The following TMEM156 variants were observed in gnomAD, a reference collection of about 807,000 sequenced individuals.
TMEM156 encodes transmembrane protein 156.
A neutral mutation model predicts 30.5 loss-of-function variants in TMEM156; 28 were observed. The observed-to-expected ratio is 0.92, with a 90% CI of 0.68 to 1.26. TMEM156 has a LOEUF of 1.26. Ranked by LOEUF, TMEM156 falls within the 50% of genes most tolerant of loss-of-function variation. The pLI, the probability that TMEM156 is intolerant of heterozygous loss-of-function variation, is 0.00. For missense variants in TMEM156, 351 were observed against 340.6 expected (o/e 1.03, Z -0.24); for synonymous variants, 137 against 119.9 (o/e 1.14, Z -0.93).
At chr4:39,011,586 C>T (rs2110021787) in intron 1 of TMEM156, among the ~76,000 whole-genome samples, 1 of 152,136 alleles carries the variant, frequency 6.6e-6, no homozygotes, top group South Asian at 2.1e-4. Flanking sequence ...CCAGTCTGGC[C>T]AAGATGGTGA....
intron 1 of TMEM156, among the ~76,000 whole-genome samples, chr4:39,015,877 A>T (rs1334091278): frequency 6.6e-6 from 1 of 152,056 alleles, no homozygotes; most frequent in Non-Finnish European, 1.5e-5. Flanking sequence ...CTTGGCACTC[A>T]TTCCCTCTTT....
chr4:38,975,118 T>G (rs1182022524), intron 5 of TMEM156, among the ~76,000 whole-genome samples: 5 of 152,144 alleles, frequency 3.3e-5, no homozygotes, highest in Non-Finnish European at 7.4e-5. Flanking sequence ...CCCTTTAGAC[T>G]TCTAAAGGGT....
At chr4:38,997,094 T>G (rs1712985807) in intron 2 of TMEM156, among the ~76,000 whole-genome samples, 1 of 152,232 alleles carries the variant, frequency 6.6e-6, no homozygotes, top group Admixed American at 6.5e-5. Context: ...TGGGACAATG[T>G]GTCAATGTGC....
intron 2 of TMEM156, among the ~76,000 whole-genome samples, chr4:38,996,893 A>G (rs145331553): frequency 4.6e-4 from 70 of 152,348 alleles, no homozygotes; most frequent in African/African-American, 1.6e-3. Flanking sequence ...AGTAAACTAG[A>G]TAGATAGGTA....
intron 5 of TMEM156, among the ~76,000 whole-genome samples, chr4:38,980,087 A>G (rs981664210): frequency 2.0e-5 from 3 of 152,102 alleles, no homozygotes; most frequent in Non-Finnish European, 4.4e-5. Context: ...ATCTGTTATT[A>G]ACAATGATCC....
At chr4:39,002,914 G>A (rs1203705196) in intron 1 of TMEM156, among the ~76,000 whole-genome samples, 1 of 152,052 alleles carries the variant, frequency 6.6e-6, no homozygotes, top group South Asian at 2.1e-4. Flanking sequence ...GGATAGCATT[G>A]GGAGATATAC....
At chr4:38,971,590 T>C (rs557037427) in intron 5 of TMEM156, among the ~76,000 whole-genome samples, 2 of 152,212 alleles carry the variant, frequency 1.3e-5, no homozygotes, top group Non-Finnish European at 2.9e-5. Flanking sequence ...TGTATGACTT[T>C]TTAAAATTCT....
At chr4:39,021,106 C>A (rs1714836236) in intron 1 of TMEM156, among the ~76,000 whole-genome samples, 1 of 152,106 alleles carries the variant, frequency 6.6e-6, no homozygotes, top group African/African-American at 2.4e-5. Context: ...TGTATGTCTT[C>A]TTTCAAGAAA....
intron 3 of TMEM156, among the ~76,000 whole-genome samples, chr4:38,990,343 G>T (rs1197208212): frequency 2.6e-5 from 4 of 152,180 alleles, no homozygotes; most frequent in Admixed American, 2.6e-4. Flanking sequence ...GCGGCGCTCA[G>T]CCTCCCCAAG....
chr4:38,968,673 T>C (rs987695237), intron 6 of TMEM156, among the ~76,000 whole-genome samples: 4 of 152,222 alleles, frequency 2.6e-5, no homozygotes, highest in Non-Finnish European at 4.4e-5. Context: ...GACTACACTA[T>C]ATGCTACTTA....
At chr4:38,972,219 A>G (rs1722632533) in intron 5 of TMEM156, among the ~76,000 whole-genome samples, 1 of 150,896 alleles carries the variant, frequency 6.6e-6, no homozygotes, top group East Asian at 2.0e-4. Context: ...TGGTACAGAA[A>G]TACTGTAGAA....
chr4:38,991,898 C>A (rs990402617), intron 3 of TMEM156, among the ~76,000 whole-genome samples: 2 of 152,234 alleles, frequency 1.3e-5, no homozygotes, highest in Admixed American at 6.5e-5. Context: ...ACTCCTCAAT[C>A]AGAGGGAACT....
chr4:39,013,143 A>C (rs901578813), intron 1 of TMEM156, among the ~76,000 whole-genome samples: 3 of 151,544 alleles, frequency 2.0e-5, no homozygotes, highest in African/African-American at 7.3e-5. Context: ...TATAAAAAAA[A>C]TACAAAAATC....
At chr4:39,013,470 G>T (rs1335989587) in intron 1 of TMEM156, among the ~76,000 whole-genome samples, 3 of 125,518 alleles carry the variant, frequency 2.4e-5, no homozygotes, top group Admixed American at 7.8e-5. Flanking sequence ...GCACGATTTC[G>T]GCTCACTGCA....
At chr4:38,997,910 G>T (rs1356249458) in intron 2 of TMEM156, among the ~76,000 whole-genome samples, 3 of 152,152 alleles carry the variant, frequency 2.0e-5, no homozygotes. Flanking sequence ...AGTCAGAGAA[G>T]TAAAAAGACT....
intron 5 of TMEM156, among the ~76,000 whole-genome samples, chr4:38,973,680 A>T (rs1178545446): frequency 6.6e-6 from 1 of 152,102 alleles, no homozygotes; most frequent in Non-Finnish European, 1.5e-5. Flanking sequence ...GAAACTTCGT[A>T]TTTCTGATCA....
At chr4:39,030,581 G>A (rs1408346686) in intron 1 of TMEM156, among the ~76,000 whole-genome samples, 1 of 152,132 alleles carries the variant, frequency 6.6e-6, no homozygotes, top group Non-Finnish European at 1.5e-5. Context: ...AGAACTACAT[G>A]TCTGCCCCAA....
intron 2 of TMEM156, among the ~76,000 whole-genome samples, chr4:38,994,234 C>T (rs1003728948): frequency 5.3e-5 from 8 of 152,098 alleles, no homozygotes; most frequent in Non-Finnish European, 1.0e-4. Flanking sequence ...AAGCAATCCT[C>T]CCACCTTAGC....
chr4:39,017,690 G>T (rs567086588), intron 1 of TMEM156, among the ~76,000 whole-genome samples: 1 of 152,066 alleles, frequency 6.6e-6, no homozygotes, highest in Non-Finnish European at 1.5e-5. Context: ...AGCTATCTTT[G>T]TTGGGGCATA....
Sources: gnomAD v4.1 joint callset for allele counts (sites outside exome capture counted in the v4.1 genomes callset) on GRCh38, gnomAD v4.1.1 for gene constraint, MANE v1.5 for transcripts, NCBI Gene and HGNC (gene_info 2026-07-23, HGNC 2026-07-21) for gene names.